The following XRCC4 variants were observed in gnomAD, a reference collection of about 807,000 sequenced individuals.
The protein encoded by XRCC4 is DNA repair protein XRCC4.
In XRCC4, 28 loss-of-function variants were observed where a neutral mutation model predicts 39.1. That is an observed-to-expected ratio of 0.72 (90% CI 0.53 to 0.98). XRCC4 has a LOEUF of 0.98. Ranked by LOEUF, XRCC4 falls within the 50% of genes least tolerant of loss-of-function variation. The pLI is 0.00. For missense variants in XRCC4, 350 were observed against 376.4 expected, an observed-to-expected ratio of 0.93 and a Z score of 0.58; for synonymous variants, 123 against 126.4, an observed-to-expected ratio of 0.97 and a Z score of 0.18.
Position 83,111,055 on chromosome 5 carries a change from C to T in XRCC4, c.167C>T (p.Ala56Val). The T allele has an allele frequency of 6.2e-7, 1 of 1,608,352 alleles. No homozygotes were observed. The highest frequency in any genetic ancestry group is 8.5e-7 in the Non-Finnish European group (1 of 1,178,136). ...TVSESEISQEADDMAMEKGKY... is the reference protein window; with the variant it reads ...TVSESEISQEVDDMAMEKGKY... ...TCTGAATCAGAGATTTCCCAAGAAG[C>T]TGATGACATGGCAATGGAAAAAGGG... is the stretch of plus-strand genomic sequence containing the variant. Residue 56 changes from alanine (A) to valine (V), a missense_variant, in exon 3 of 8, where the codon GCT becomes GTT. Transcript: ENST00000396027.
chr5:83,136,555 A>G (rs1747907878), intron 3 of XRCC4, among the ~76,000 whole-genome samples: 1 of 152,186 alleles, frequency 6.6e-6, no homozygotes. Context: ...AATTATTGTC[A>G]TTAAGTTATA....
intron 3 of XRCC4, among the ~76,000 whole-genome samples, chr5:83,130,123 T>C (rs1337839349): frequency 3.3e-5 from 5 of 152,186 alleles, no homozygotes; most frequent in Non-Finnish European, 2.9e-5. Context: ...ATAGCTCTCA[T>C]TATTTTGAGA....
chr5:83,173,612 A>G (rs1749826198), intron 3 of XRCC4, among the ~76,000 whole-genome samples: 1 of 152,220 alleles, frequency 6.6e-6, no homozygotes, highest in Non-Finnish European at 1.5e-5. Context: ...AAATATTCAT[A>G]CATATCAGAG....
At chr5:83,277,923 T>C (rs1177061325) in intron 7 of XRCC4, among the ~76,000 whole-genome samples, 1 of 152,226 alleles carries the variant, frequency 6.6e-6, no homozygotes, top group Non-Finnish European at 1.5e-5. Context: ...TAATATCTTG[T>C]TTAATAAAGA....
At chr5:83,362,790 C>T in the XRCC4 span, among the ~76,000 whole-genome samples, 1 of 151,956 alleles carries the variant, frequency 6.6e-6, no homozygotes, top group African/African-American at 2.4e-5. Context: ...TTTTATTATT[C>T]TCTGTATCAA....
chr5:83,281,644 T>G (rs1754543511), intron 7 of XRCC4, among the ~76,000 whole-genome samples: 1 of 152,176 alleles, frequency 6.6e-6, no homozygotes, highest in Non-Finnish European at 1.5e-5. Flanking sequence ...CACTCTTAAA[T>G]TTACTACAGT....
chr5:83,260,426 C>T (rs1459067924), intron 7 of XRCC4, among the ~76,000 whole-genome samples: 2 of 151,994 alleles, frequency 1.3e-5, no homozygotes, highest in Non-Finnish European at 2.9e-5. Flanking sequence ...AGACACAGCT[C>T]CTGTCCTCAT....
intron 3 of XRCC4, among the ~76,000 whole-genome samples, chr5:83,182,563 C>G (rs553175129): frequency 2.6e-5 from 4 of 152,202 alleles, no homozygotes; most frequent in African/African-American, 9.6e-5. Flanking sequence ...GATTGTTTTT[C>G]TTTCTTTTGT....
chr5:83,252,795 A>T (rs1753375343), intron 6 of XRCC4, among the ~76,000 whole-genome samples: 1 of 152,154 alleles, frequency 6.6e-6, no homozygotes, highest in African/African-American at 2.4e-5. Flanking sequence ...TCTCATCTGG[A>T]GGTTTATAAG....
chr5:83,127,635 A>G (rs762268167), intron 3 of XRCC4, among the ~76,000 whole-genome samples: 3 of 152,202 alleles, frequency 2.0e-5, no homozygotes, highest in South Asian at 2.1e-4. Context: ...ACCATCCCCA[A>G]TTCAACAGTG....
chr5:83,163,238 C>T (rs749220507), intron 3 of XRCC4, among the ~76,000 whole-genome samples: 12 of 152,208 alleles, frequency 7.9e-5, no homozygotes, highest in South Asian at 4.1e-4. Flanking sequence ...TGAGCCACTG[C>T]GCCTGGCCTG....
At chr5:83,369,386 A>C in the XRCC4 span, among the ~76,000 whole-genome samples, 1 of 151,674 alleles carries the variant, frequency 6.6e-6, no homozygotes, top group South Asian at 2.1e-4. Context: ...CAGTTTTTCA[A>C]CTCTTACCTC....
intron 7 of XRCC4, among the ~76,000 whole-genome samples, chr5:83,348,807 A>G (rs1756996095): frequency 6.6e-6 from 1 of 152,220 alleles, no homozygotes; most frequent in Non-Finnish European, 1.5e-5. Context: ...TTCCTTTTAA[A>G]TATAAGTTCC....
chr5:83,116,717 G>T (rs1294367855), intron 3 of XRCC4, among the ~76,000 whole-genome samples: 1 of 147,208 alleles, frequency 6.8e-6, no homozygotes, highest in Non-Finnish European at 1.5e-5. Context: ...TGCCTCCCAG[G>T]TTCAAGTGAT....
At chr5:83,089,027 T>C (rs1745304159) in intron 1 of XRCC4, among the ~76,000 whole-genome samples, 1 of 152,212 alleles carries the variant, frequency 6.6e-6, no homozygotes, top group South Asian at 2.1e-4. Flanking sequence ...AAGATACTCT[T>C]TTAGCTGTGT....
chr5:83,333,279 T>C (rs2112173941), intron 7 of XRCC4, among the ~76,000 whole-genome samples: 1 of 152,310 alleles, frequency 6.6e-6, no homozygotes, highest in East Asian at 1.9e-4. Flanking sequence ...GACATCAAAG[T>C]ATAGTCATGT....
At chr5:83,151,850 A>G (rs1168021405) in intron 3 of XRCC4, among the ~76,000 whole-genome samples, 1 of 152,206 alleles carries the variant, frequency 6.6e-6, no homozygotes, top group Non-Finnish European at 1.5e-5. Context: ...AAGAAGGTTT[A>G]ACTTTTATTA....
At chr5:83,142,985 A>G (rs921765294) in intron 3 of XRCC4, among the ~76,000 whole-genome samples, 2 of 152,150 alleles carry the variant, frequency 1.3e-5, no homozygotes, top group African/African-American at 4.8e-5. Flanking sequence ...TTATGATACA[A>G]TTTTGAATAT....
At chr5:83,266,355 G>A (rs181479372) in intron 7 of XRCC4, among the ~76,000 whole-genome samples, 2 of 150,082 alleles carry the variant, frequency 1.3e-5, no homozygotes, top group African/African-American at 4.9e-5. Context: ...TATTTGGTCC[G>A]TAGTAAAAAT....
Sources: gnomAD v4.1 joint callset for allele counts (sites outside exome capture counted in the v4.1 genomes callset) on GRCh38, gnomAD v4.1.1 for gene constraint, MANE v1.5 for transcripts, NCBI Gene and HGNC (gene_info 2026-07-23, HGNC 2026-07-21) for gene names.